The following MARK4 variants were observed in gnomAD, a reference collection of about 807,000 sequenced individuals.
The protein encoded by MARK4 is microtubule affinity regulating kinase 4, also known as MAP/microtubule affinity-regulating kinase 4.
In MARK4, 19 loss-of-function variants were observed where a neutral mutation model predicts 81.5. The ratio of observed to expected loss-of-function variants is 0.23; its 90% CI spans 0.16 to 0.34. MARK4 has a LOEUF of 0.34. MARK4 is among the 10% of genes least tolerant of loss of function. The pLI, the probability that MARK4 is intolerant of heterozygous loss-of-function variation, is 1.00. For synonymous variants in MARK4, 436 were observed against 439.0 expected, an observed-to-expected ratio of 0.99 and a Z score of 0.08; for missense variants, 772 against 1,058.8, an observed-to-expected ratio of 0.73 and a Z score of 3.76.
chr19:45,264,562 G>A, intron 4 of MARK4, 122 bp from the exon 5 acceptor site: 1 of 879,614 alleles, frequency 1.1e-6, no homozygotes, highest in East Asian at 2.4e-5. Context: ...CTGTCAGTAG[G>A]GAGCCATTGA....
At chr19:45,278,474 C>G in intron 9 of MARK4, 42 bp from the exon 10 acceptor site, 1 of 1,556,172 alleles carries the variant, frequency 6.4e-7, no homozygotes, top group Non-Finnish European at 8.9e-7. Context: ...CTGGTTCCTT[C>G]TGACACCTGT....
rs541771960 is a variant in MARK4, at chr19:45,271,049, C to T, written c.550-423C>T. 4.9e-4 allele frequency among the ~76,000 whole-genome samples: 74 copies of T among 152,308 alleles called. No homozygotes were observed. Among genetic ancestry groups the T allele is most frequent in the African/African-American group, 1.3e-3 (56 of 41,572 alleles). On this transcript the variant is annotated intron_variant, in intron 7 of 16. Coordinates refer to ENST00000262891, the MANE Select transcript of MARK4 (RefSeq NM_001199867.2). The surrounding 1 kb of genome is among the most constrained non-coding windows in gnomAD (Gnocchi z 4.1). ...CTTCCCAAAGTTCTGCGATTACAGGCGTGAGCCACGGTGCCCAGCCCAATT... is the reference window on the plus strand; with the variant it reads ...CTTCCCAAAGTTCTGCGATTACAGGTGTGAGCCACGGTGCCCAGCCCAATT...
chr19:45,288,069 A>G (rs1481806634), intron 13 of MARK4: 1 of 224,614 alleles, frequency 4.5e-6, no homozygotes, highest in East Asian at 1.3e-4. Context: ...TCAACTAAAA[A>G]TCAAAAAAAT....
At chr19:45,267,133 G>A (rs1970465696) in intron 7 of MARK4, among the ~76,000 whole-genome samples, 1 of 149,882 alleles carries the variant, frequency 6.7e-6, no homozygotes, top group South Asian at 2.1e-4. Context: ...ATCTCAGCTC[G>A]CTGCAACCTC....
intron 2 of MARK4, 33 bp downstream of exon 2, chr19:45,259,222 G>A: frequency 6.2e-7 from 1 of 1,608,044 alleles, no homozygotes; most frequent in African/African-American, 1.3e-5. Flanking sequence ...GCTCGGGGCA[G>A]GTCCCTGTGG....
At chr19:45,298,976 C>T (rs1482663322) in intron 15 of MARK4, among the ~76,000 whole-genome samples, 5 of 148,642 alleles carry the variant, frequency 3.4e-5, no homozygotes, top group African/African-American at 1.2e-4. Context: ...ATTGGGAGGC[C>T]GAGGCAGGAG....
chr19:45,257,117 G>C (rs1170955781), intron 1 of MARK4, among the ~76,000 whole-genome samples: 2 of 151,690 alleles, frequency 1.3e-5, no homozygotes, highest in Admixed American at 6.6e-5. Flanking sequence ...ACCATGCCTA[G>C]CTAATTTTTT....
At chr19:45,278,235 C>G (rs1970626984) in intron 9 of MARK4, among the ~76,000 whole-genome samples, 193 bp downstream of exon 9, 1 of 152,070 alleles carries the variant, frequency 6.6e-6, no homozygotes, top group Non-Finnish European at 1.5e-5. Context: ...CGCCACCCCC[C>G]CGACAGGCTC....
chr19:45,282,318 A>G (rs1217334878), intron 12 of MARK4, among the ~76,000 whole-genome samples: 2 of 152,020 alleles, frequency 1.3e-5, no homozygotes, highest in African/African-American at 4.8e-5. Flanking sequence ...ACACTCATCA[A>G]ATTTTAACCC....
chr19:45,280,498 G>A lies in MARK4; in HGVS notation c.1116+15G>A, dbSNP rs952128028. On this transcript the variant is annotated intron_variant, in intron 11 of 16. Coordinates refer to ENST00000262891, the MANE Select transcript of MARK4 (RefSeq NM_001199867.2). ...GGAAGACTGAGGTCAGGGGGCGCCA[G>A]GGGCCCTTGGGGACGCGTGATGCCT... 5.0e-6 allele frequency: 8 copies of A among 1,613,994 alleles called. No homozygotes were observed. The highest frequency in any genetic ancestry group is 6.8e-6 in the Non-Finnish European group (8 of 1,179,984).
rs1970998724 is a variant in MARK4, at chr19:45,302,981, A to G, written c.*271A>G. ...CCCTACCAAGAGGGCACCTGAGGAG[A>G]CTTTGGGGACAGGGCAGGGGCAGGG... On this transcript the variant is annotated 3_prime_UTR_variant, in exon 17 of 17. Coordinates refer to ENST00000262891, the MANE Select transcript of MARK4 (RefSeq NM_001199867.2). The surrounding 1 kb of genome is among the most constrained non-coding windows in gnomAD (Gnocchi z 4.9). 3.7e-6 allele frequency: 2 copies of G among 534,532 alleles called. No homozygotes were observed. The highest frequency in any genetic ancestry group is 2.3e-5 in the South Asian group (1 of 44,298). 33.1% of individuals were successfully genotyped at this position (534,532 alleles called of 1,614,324 possible).
chr19:45,284,096 A>C (rs1404023180), intron 12 of MARK4, among the ~76,000 whole-genome samples: 2 of 151,640 alleles, frequency 1.3e-5, no homozygotes, highest in Non-Finnish European at 2.9e-5. Context: ...TGGCTCACTG[A>C]AACCTCAGTC....
At position 45,259,118 on chromosome 19, in the gene MARK4, C is replaced by T. The variant is rs1187089218; in HGVS notation, c.181C>T (p.Leu61=). 8.7e-6 allele frequency: 14 copies of T among 1,614,186 alleles called. No individual in the cohort carries two copies. The East Asian group carries it at 2.9e-4, about 33-fold the overall frequency. Residue 61 remains leucine, a synonymous_variant, in exon 2 of 17, where the codon CTG becomes TTG. Coordinates refer to ENST00000262891, the MANE Select transcript of MARK4 (RefSeq NM_001199867.2). Reference sequence around the variant, plus strand: ...GCAGCCCCACGTGGGCAACTACCGCCTGCTGAGGACCATTGGGAAGGGCAA... The same window carrying T: ...GCAGCCCCACGTGGGCAACTACCGCTTGCTGAGGACCATTGGGAAGGGCAA... ...EEQPHVGNYR[L]LRTIGKGNFA...
At chr19:45,294,862 A>G (rs1331429235) in intron 14 of MARK4, among the ~76,000 whole-genome samples, 1 of 152,048 alleles carries the variant, frequency 6.6e-6, no homozygotes, top group African/African-American at 2.4e-5. Flanking sequence ...GCTGGAGCAG[A>G]GAGAGGGAAG....
chr19:45,266,943 A>G (rs887209292), intron 7 of MARK4, among the ~76,000 whole-genome samples: 4 of 152,040 alleles, frequency 2.6e-5, no homozygotes, highest in East Asian at 1.9e-4. Context: ...CGTGTTAGCC[A>G]GGATGGTCTC....
intron 12 of MARK4, among the ~76,000 whole-genome samples, chr19:45,283,795 G>A (rs1241635040): frequency 1.3e-5 from 2 of 152,092 alleles, no homozygotes; most frequent in South Asian, 2.1e-4. Flanking sequence ...TACGTATCTG[G>A]GAGTGGAATT....
Position 45,259,109 on chromosome 19 carries a change from A to G in MARK4, c.172A>G (p.Asn58Asp). The stretch of plus-strand genomic sequence containing the variant: ...TCCCGAGGAGCAGCCCCACGTGGGC[A>G]ACTACCGCCTGCTGAGGACCATTGG... Reference protein sequence around the residue: ...SCPEEQPHVGNYRLLRTIGKG... With the variant: ...SCPEEQPHVGDYRLLRTIGKG... Residue 58 changes from asparagine (N) to aspartate (D), a missense_variant, in exon 2 of 17, where the codon AAC (asparagine) becomes GAC (aspartate). By Grantham distance (23) the Asn-to-Asp change is conservative. Transcript: ENST00000262891. The G allele has an allele frequency of 1.2e-6, 2 of 1,614,162 alleles. No homozygotes were observed. The highest frequency in any genetic ancestry group is 1.7e-6 in the Non-Finnish European group (2 of 1,180,034).
intron 1 of MARK4, among the ~76,000 whole-genome samples, chr19:45,253,193 A>AT (rs57125351): frequency 2.3e-5 from 2 of 85,118 alleles, no homozygotes; most frequent in African/African-American, 8.2e-5. Context: ...ACCCCCCCAC[A>AT]CACACACACC....
intron 12 of MARK4, among the ~76,000 whole-genome samples, chr19:45,285,237 C>T (rs985456984): frequency 3.2e-5 from 4 of 126,902 alleles, no homozygotes; most frequent in East Asian, 2.3e-4. Context: ...CCAGCCTGGG[C>T]GATAGAGCCA....
Sources: allele counts gnomAD v4.1 joint callset (sites outside exome capture counted in the v4.1 genomes callset), GRCh38; gene constraint gnomAD v4.1.1; non-coding constraint Gnocchi (gnomAD v3.1); transcripts MANE v1.5; gene names NCBI Gene and HGNC (gene_info 2026-07-23, HGNC 2026-07-21).